The following CCDC184 variants were observed in gnomAD, a reference collection of about 807,000 sequenced individuals.
CCDC184 encodes the protein coiled-coil domain containing 184.
In CCDC184, 11 loss-of-function variants were observed where a neutral mutation model predicts 10.4. The ratio of observed to expected loss-of-function variants is 1.06; its 90% CI spans 0.67 to 1.75. The LOEUF (loss-of-function observed/expected upper bound fraction) is 1.75. Ranked by LOEUF, CCDC184 falls within the 40% of genes most tolerant of loss-of-function variation. CCDC184 has a pLI of 0.00. For missense variants in CCDC184, 264 were observed against 267.9 expected (o/e 0.99, Z 0.10); for synonymous variants, 102 against 116.1 (o/e 0.88, Z 0.78).
rs1000355105 is a variant in CCDC184, at chr12:48,184,231, A to T, written c.109A>T (p.Asn37Tyr). 1 of 1,614,044 alleles carries T rather than the reference A, an allele frequency of 6.2e-7. No homozygotes were observed. Among genetic ancestry groups the T allele is most frequent in the East Asian group, 2.2e-5 (1 of 44,864 alleles). The stretch of plus-strand genomic sequence containing the variant: ...GGGGGACGTGATCTCCGGGGAGTAC[A>T]ACGGCGGCATGAAGGAACTGATGGA... ...AVGDVISGEY[N>Y]GGMKELMEHL... The change falls in exon 1 of 1, where the codon AAC becomes TAC. Residue 37 changes from asparagine to tyrosine, a missense_variant. Coordinates refer to ENST00000316554, the MANE Select transcript of CCDC184 (RefSeq NM_001013635.4).
chr12:48,184,312 G>A lies in CCDC184; in HGVS notation c.190G>A (p.Ala64Thr). 1 of 1,614,130 alleles carries A rather than the reference G, an allele frequency of 6.2e-7. No individual in the cohort carries two copies. Among genetic ancestry groups the A allele is most frequent in the Non-Finnish European group, 8.5e-7 (1 of 1,180,018 alleles). ...LFEDVRAMRGALDEQASHIQV... is the reference protein window; with the variant it reads ...LFEDVRAMRGTLDEQASHIQV... ...TGAGGACGTGAGGGCCATGAGGGGG[G>A]CCCTGGACGAGCAGGCCTCGCACAT... Residue 64 changes from alanine to threonine, a missense_variant, in exon 1 of 1, where the codon GCC becomes ACC. Transcript: ENST00000316554.
In CCDC184 at chr12:48,184,599, C is replaced by T; in HGVS notation, c.477C>T (p.Arg159=). 2 of 1,563,094 alleles carry T rather than the reference C, an allele frequency of 1.3e-6. No homozygotes were observed. The highest frequency in any genetic ancestry group is 1.9e-5 in the Admixed American group (1 of 52,170). The part of the protein sequence containing the change: ...SPATPSSHCE[R]PESPCAGLLG... The stretch of plus-strand genomic sequence containing the variant: ...CCACACCCTCCAGTCACTGTGAGCG[C>T]CCCGAAAGCCCCTGTGCTGGTCTCC... Residue 159 remains arginine, a synonymous_variant, in exon 1 of 1, where the codon CGC becomes CGT. Transcript: ENST00000316554.
At position 48,184,779 on chromosome 12, in the gene CCDC184, A is replaced by G. The variant is rs1951491591; in HGVS notation, c.*72A>G. 8.1e-7 allele frequency: 1 copy of G among 1,227,570 alleles called. No homozygotes were observed. The allele number at this position is 1,227,570 out of a possible 1,614,324, so 76.0% of individuals were successfully genotyped here. A position where few individuals can be genotyped will look rare whatever the true frequency, so the allele number is the denominator to read the frequency against. On this transcript the variant is annotated 3_prime_UTR_variant, in exon 1 of 1. Coordinates refer to ENST00000316554, the MANE Select transcript of CCDC184 (RefSeq NM_001013635.4). ...GAGTGCATGACGCGAGGGGGACTGA[A>G]CGGCGCGGTGCGGCATGCTTCACTT... is the stretch of plus-strand genomic sequence containing the variant.
chr12:48,184,788 T>A lies in CCDC184; in HGVS notation c.*81T>A. ...ACGCGAGGGGGACTGAACGGCGCGG[T>A]GCGGCATGCTTCACTTGGACAGCTG... On this transcript the variant is annotated 3_prime_UTR_variant, in exon 1 of 1. Coordinates refer to ENST00000316554, the MANE Select transcript of CCDC184 (RefSeq NM_001013635.4). 9.1e-7 allele frequency: 1 copy of A among 1,097,012 alleles called. No homozygotes were observed. 68.0% of individuals were successfully genotyped at this position (1,097,012 alleles called of 1,614,324 possible).
At position 48,184,070 on chromosome 12, in the gene CCDC184, G is replaced by A. The variant is rs1483131819; in HGVS notation, c.-53G>A. ...CCCCCTCCACCCCCTCCCCCACCCC[G>A]GAGGCCGGGCTGGACGCGACCCAGA... is the stretch of plus-strand genomic sequence containing the variant. On this transcript the variant is annotated 5_prime_UTR_variant, in exon 1 of 1. Coordinates refer to ENST00000316554, the MANE Select transcript of CCDC184 (RefSeq NM_001013635.4). The A allele has an allele frequency of 1.3e-5, 4 of 306,914 alleles. No individual in the cohort carries two copies. Among genetic ancestry groups the A allele is most frequent in the East Asian group, 8.0e-5 (1 of 12,462 alleles). 19.0% of individuals were successfully genotyped at this position (306,914 alleles called of 1,614,324 possible).
Position 48,184,310 on chromosome 12 carries a change from G to A in CCDC184, c.188G>A (p.Gly63Glu). Reference protein sequence around the residue: ...ALFEDVRAMRGALDEQASHIQ... With the variant: ...ALFEDVRAMREALDEQASHIQ... ...TTTGAGGACGTGAGGGCCATGAGGG[G>A]GGCCCTGGACGAGCAGGCCTCGCAC... Residue 63 changes from glycine to glutamate, a missense_variant, in exon 1 of 1, where the codon GGG becomes GAG. By Grantham distance (98) the Gly-to-Glu change is moderately conservative. Coordinates refer to ENST00000316554, the MANE Select transcript of CCDC184 (RefSeq NM_001013635.4). 1 of 1,614,142 alleles carries A rather than the reference G, an allele frequency of 6.2e-7. No individual in the cohort carries two copies. The highest frequency in any genetic ancestry group is 8.5e-7 in the Non-Finnish European group (1 of 1,180,016).
Position 48,184,090 on chromosome 12 carries a change from C to T in CCDC184, c.-33C>T, listed in dbSNP as rs1246698863. On this transcript the variant is annotated 5_prime_UTR_variant, in exon 1 of 1. Coordinates refer to ENST00000316554, the MANE Select transcript of CCDC184 (RefSeq NM_001013635.4). ...ACCCCGGAGGCCGGGCTGGACGCGACCCAGAGCCTCCGCCACCCGCTTCTG... is the reference window on the plus strand; with the variant it reads ...ACCCCGGAGGCCGGGCTGGACGCGATCCAGAGCCTCCGCCACCCGCTTCTG... 2 of 1,554,334 alleles carry T rather than the reference C, an allele frequency of 1.3e-6. No homozygotes were observed. The highest frequency in any genetic ancestry group is 3.4e-5 in the Admixed American group (2 of 58,510).
chr12:48,184,461 C>A lies in CCDC184; in HGVS notation c.339C>A (p.Ser113Arg), dbSNP rs752538221. The A allele has an allele frequency of 1.2e-6, 2 of 1,605,068 alleles. No homozygotes were observed. Among genetic ancestry groups the A allele is most frequent in the Non-Finnish European group, 8.5e-7 (1 of 1,179,438 alleles). Residue 113 changes from serine to arginine, a missense_variant, in exon 1 of 1, where the codon AGC (serine) becomes AGA (arginine). Ser to Arg is a moderately radical substitution (Grantham distance 110, BLOSUM62 -1). Coordinates refer to ENST00000316554, the MANE Select transcript of CCDC184 (RefSeq NM_001013635.4). ...TCGGCGGCAAGGGGAGCTTCCAGAGCGACCCCCAAGAGCCGGAGACTCCTT... is the reference window on the plus strand; with the variant it reads ...TCGGCGGCAAGGGGAGCTTCCAGAGAGACCCCCAAGAGCCGGAGACTCCTT... ...GVVGGKGSFQ[S>R]DPQEPETPSP...
Position 48,184,996 on chromosome 12 carries a change from C to A in CCDC184, c.*289C>A. On this transcript the variant is annotated 3_prime_UTR_variant, in exon 1 of 1. Coordinates refer to ENST00000316554, the MANE Select transcript of CCDC184 (RefSeq NM_001013635.4). ...CATCCATCCCTATCCTGTCCTTTCCCCCTTCCCAGACAACAGGAGAACCCG... is the reference window on the plus strand; with the variant it reads ...CATCCATCCCTATCCTGTCCTTTCCACCTTCCCAGACAACAGGAGAACCCG... The A allele has an allele frequency of 2.6e-6, 1 of 385,654 alleles. No homozygotes were observed. Among genetic ancestry groups the A allele is most frequent in the Non-Finnish European group, 4.9e-6 (1 of 205,934 alleles). 23.9% of individuals were successfully genotyped at this position (385,654 alleles called of 1,614,324 possible). A position where few individuals can be genotyped will look rare whatever the true frequency, so the allele number is the denominator to read the frequency against.
In CCDC184 at chr12:48,184,445, A is replaced by G; in HGVS notation, c.323A>G (p.Lys108Arg). The change falls in exon 1 of 1, where the codon AAG becomes AGG. Residue 108 changes from lysine (K) to arginine (R), a missense_variant. Coordinates refer to ENST00000316554, the MANE Select transcript of CCDC184 (RefSeq NM_001013635.4). Reference sequence around the variant, plus strand: ...GGCGGCTTGGGCGTGGTCGGCGGCAAGGGGAGCTTCCAGAGCGACCCCCAA... The same window carrying G: ...GGCGGCTTGGGCGTGGTCGGCGGCAGGGGGAGCTTCCAGAGCGACCCCCAA... The part of the protein sequence containing the change: ...RQGGLGVVGG[K>R]GSFQSDPQEP... The G allele has an allele frequency of 1.9e-6, 3 of 1,607,874 alleles. No individual in the cohort carries two copies. The highest frequency in any genetic ancestry group is 2.5e-6 in the Non-Finnish European group (3 of 1,179,736).
rs1417683073 is a variant in CCDC184, at chr12:48,184,477, G to A, written c.355G>A (p.Glu119Lys). The A allele has an allele frequency of 1.2e-6, 2 of 1,603,868 alleles. No individual in the cohort carries two copies. The highest frequency in any genetic ancestry group is 1.7e-6 in the Non-Finnish European group (2 of 1,179,210). Residue 119 changes from glutamate (E) to lysine (K), a missense_variant, in exon 1 of 1, where the codon GAG becomes AAG. Glu to Lys is a moderately conservative substitution (Grantham distance 56). Transcript: ENST00000316554. ...CTTCCAGAGCGACCCCCAAGAGCCG[G>A]AGACTCCTTCGCCTGGGATCGGGGA... ...GSFQSDPQEP[E>K]TPSPGIGDSG...
chr12:48,183,735 G>C lies in CCDC184; in HGVS notation c.-388G>C, dbSNP rs948752881. 7.8e-5 allele frequency: 16 copies of C among 206,168 alleles called. 1 individual carries two copies. Among genetic ancestry groups the C allele is most frequent in the Non-Finnish European group, 1.5e-4 (15 of 103,316 alleles). The allele number at this position is 206,168 out of a possible 1,614,324, so 12.8% of individuals were successfully genotyped here. The stretch of plus-strand genomic sequence containing the variant: ...ACGCGCCGCTGGCCTCAGCCTGGAC[G>C]CGGACCCCTCCGCGAGCGCGTCTGT... On this transcript the variant is annotated 5_prime_UTR_variant, in exon 1 of 1. Coordinates refer to ENST00000316554, the MANE Select transcript of CCDC184 (RefSeq NM_001013635.4).
Position 48,184,454 on chromosome 12 carries a change from T to A in CCDC184, c.332T>A (p.Phe111Tyr). Reference protein sequence around the residue: ...GLGVVGGKGSFQSDPQEPETP... With the variant: ...GLGVVGGKGSYQSDPQEPETP... ...GGCGTGGTCGGCGGCAAGGGGAGCT[T>A]CCAGAGCGACCCCCAAGAGCCGGAG... The change falls in exon 1 of 1, where the codon TTC becomes TAC. Residue 111 changes from phenylalanine to tyrosine, a missense_variant. Phe to Tyr is a conservative substitution (Grantham distance 22, BLOSUM62 3). Transcript: ENST00000316554. 6.2e-7 allele frequency: 1 copy of A among 1,604,498 alleles called. No homozygotes were observed.
Position 48,184,195 on chromosome 12 carries a change from G to T in CCDC184, c.73G>T (p.Val25Leu), listed in dbSNP as rs776681604. 6.2e-7 allele frequency: 1 copy of T among 1,614,068 alleles called. No homozygotes were observed. Among genetic ancestry groups the T allele is most frequent in the Admixed American group, 1.7e-5 (1 of 60,032 alleles). The change falls in exon 1 of 1, where the codon GTG (valine) becomes TTG (leucine). Residue 25 changes from valine to leucine, a missense_variant. Transcript: ENST00000316554. ...GCCGGCGCCCCTGGAGGTGTCCACC[G>T]TGCCGGCAGTGGGGGACGTGATCTC... ...DMPAPLEVST[V>L]PAVGDVISGE...
At position 48,184,474 on chromosome 12, in the gene CCDC184, C is replaced by T. The variant is rs780118161; in HGVS notation, c.352C>T (p.Pro118Ser). ...GAGCTTCCAGAGCGACCCCCAAGAG[C>T]CGGAGACTCCTTCGCCTGGGATCGG... Reference protein sequence around the residue: ...KGSFQSDPQEPETPSPGIGDS... With the variant: ...KGSFQSDPQESETPSPGIGDS... Residue 118 changes from proline to serine, a missense_variant, in exon 1 of 1, where the codon CCG becomes TCG. By Grantham distance (74) the Pro-to-Ser change is moderately conservative. Transcript: ENST00000316554. The T allele has an allele frequency of 2.5e-6, 4 of 1,603,858 alleles. No individual in the cohort carries two copies. The highest frequency in any genetic ancestry group is 1.3e-5 in the African/African-American group (1 of 74,914).
Position 48,184,874 on chromosome 12 carries a change from T to C in CCDC184, c.*167T>C. On this transcript the variant is annotated 3_prime_UTR_variant, in exon 1 of 1. Transcript: ENST00000316554. ...GAAGGATTTGTAGGGTGAAGGACTTTGGGAGCATCGAGAATTCTTTCTGCC... is the reference window on the plus strand; with the variant it reads ...GAAGGATTTGTAGGGTGAAGGACTTCGGGAGCATCGAGAATTCTTTCTGCC... 3.4e-6 allele frequency: 2 copies of C among 596,914 alleles called. No individual in the cohort carries two copies. Among genetic ancestry groups the C allele is most frequent in the Non-Finnish European group, 6.0e-6 (2 of 334,478 alleles). The allele number at this position is 596,914 out of a possible 1,614,324, so 37.0% of individuals were successfully genotyped here.
At position 48,183,927 on chromosome 12, in the gene CCDC184, C is replaced by A. The variant is rs1320750706; in HGVS notation, c.-196C>A. ...GGGTCCTCGTCCCGCAGCCTCTTCT[C>A]GGCCTCCCGCGATCCTGCCTGCGCC... On this transcript the variant is annotated 5_prime_UTR_variant, in exon 1 of 1. Coordinates refer to ENST00000316554, the MANE Select transcript of CCDC184 (RefSeq NM_001013635.4). 1.8e-6 allele frequency: 1 copy of A among 571,110 alleles called. No individual in the cohort carries two copies. The highest frequency in any genetic ancestry group is 3.1e-6 in the Non-Finnish European group (1 of 321,444). The allele number at this position is 571,110 out of a possible 1,614,324, so 35.4% of individuals were successfully genotyped here. A position where few individuals can be genotyped will look rare whatever the true frequency, so the allele number is the denominator to read the frequency against.
rs1328573725 is a variant in CCDC184 at position 48,184,980 on chromosome 12, C to CTA, written c.*275_*276dup. Reference sequence around the variant, plus strand: ...CCCATCTCTGGACTCCCATCCATCCCTATCCTGTCCTTTCCCCCTTCCCAG... The same window carrying CTA: ...CCCATCTCTGGACTCCCATCCATCCCTATATCCTGTCCTTTCCCCCTTCCCAG... On this transcript the variant is annotated 3_prime_UTR_variant, in exon 1 of 1. Coordinates refer to ENST00000316554, the MANE Select transcript of CCDC184 (RefSeq NM_001013635.4). The CTA allele has an allele frequency of 9.4e-6, 4 of 426,996 alleles. No homozygotes were observed. Among genetic ancestry groups the CTA allele is most frequent in the African/African-American group, 2.0e-5 (1 of 50,234 alleles). The allele number at this position is 426,996 out of a possible 1,614,324, so 26.5% of individuals were successfully genotyped here. A position where few individuals can be genotyped will look rare whatever the true frequency, so the allele number is the denominator to read the frequency against.
Position 48,184,069 on chromosome 12 carries a change from CGGAG to C in CCDC184, c.-52_-49del. On this transcript the variant is annotated 5_prime_UTR_variant, in exon 1 of 1. Coordinates refer to ENST00000316554, the MANE Select transcript of CCDC184 (RefSeq NM_001013635.4). ...TCCCCCTCCACCCCCTCCCCCACCCCGGAGGCCGGGCTGGACGCGACCCAGAGCC... is the reference window on the plus strand; with the variant it reads ...TCCCCCTCCACCCCCTCCCCCACCCCGCCGGGCTGGACGCGACCCAGAGCC... 1.4e-6 allele frequency: 2 copies of C among 1,413,918 alleles called. No homozygotes were observed. The highest frequency in any genetic ancestry group is 2.0e-6 in the Non-Finnish European group (2 of 1,022,278). 87.6% of individuals were successfully genotyped at this position (1,413,918 alleles called of 1,614,324 possible). A position where few individuals can be genotyped will look rare whatever the true frequency, so the allele number is the denominator to read the frequency against.
Sources: allele counts gnomAD v4.1 joint callset, GRCh38; gene constraint gnomAD v4.1.1; transcripts MANE v1.5; gene names NCBI Gene and HGNC (gene_info 2026-07-23, HGNC 2026-07-21).